Variants in ZMIZ2 observed in about 807,000 individuals in gnomAD.
The protein encoded by ZMIZ2 is zinc finger MIZ domain-containing protein 2.
A neutral mutation model predicts 93.9 loss-of-function variants in ZMIZ2; 26 were observed. The observed-to-expected ratio is 0.28, with a 90% CI of 0.20 to 0.38. The LOEUF (loss-of-function observed/expected upper bound fraction) is 0.38. Ranked by LOEUF, ZMIZ2 falls within the 10% of genes least tolerant of loss-of-function variation. The pLI is 1.00. For synonymous variants in ZMIZ2, 485 were observed against 516.4 expected, an observed-to-expected ratio of 0.94 and a Z score of 0.82; for missense variants, 1,023 against 1,235.0, an observed-to-expected ratio of 0.83 and a Z score of 2.57.
Position 44,748,940 on chromosome 7 carries a change from C to G in ZMIZ2, c.-114C>G, listed in dbSNP as rs1215876267. 1 of 147,726 alleles carries G rather than the reference C, an allele frequency of 6.8e-6. No homozygotes were observed. The highest frequency in any genetic ancestry group is 1.5e-5 in the Non-Finnish European group (1 of 66,042). The allele number at this position is 147,726 out of a possible 1,614,324, so 9.2% of individuals were successfully genotyped here. ...CGGAGGGCGGGCTGAGCGCATGGAG[C>G]GGCGCGGGCCGGGGGCCGCCACGGC... On this transcript the variant is annotated 5_prime_UTR_variant, in exon 1 of 19. Coordinates refer to ENST00000309315, the MANE Select transcript of ZMIZ2 (RefSeq NM_031449.4).
Position 44,765,925 on chromosome 7 carries a change from GGC to G in ZMIZ2, c.2243-238_2243-237del. The G allele has an allele frequency of 7.1e-7, 1 of 1,398,948 alleles. No individual in the cohort carries two copies. Among genetic ancestry groups the G allele is most frequent in the Non-Finnish European group, 9.2e-7 (1 of 1,081,952 alleles). The allele number at this position is 1,398,948 out of a possible 1,614,324, so 86.7% of individuals were successfully genotyped here. A position where few individuals can be genotyped will look rare whatever the true frequency, so the allele number is the denominator to read the frequency against. On this transcript the variant is annotated intron_variant, in intron 16 of 18. Transcript: ENST00000309315. The surrounding 1 kb of genome is among the most constrained non-coding windows in gnomAD (Gnocchi z 4.1). Reference sequence around the variant, plus strand: ...TCACACGCGTGGTGCGTTTGTTTGTGGCTGCTCCCATTCCTATAACCTCCGAG... The same window carrying G: ...TCACACGCGTGGTGCGTTTGTTTGTGTGCTCCCATTCCTATAACCTCCGAG...
At position 44,758,042 on chromosome 7, in the gene ZMIZ2, T is replaced by C. The variant is rs1790770284; in HGVS notation, c.747T>C (p.His249=). ...ATGCAGGGCAGCGTCTGCCCCAACA[T>C]GGGTATCCTGGGCCTCCCCAGGCCC... ...PLYAGQRLPQ[H]GYPGPPQAQP... The change falls in exon 6 of 19, where the codon CAT becomes CAC. Residue 249 remains histidine, a synonymous_variant. Coordinates refer to ENST00000309315, the MANE Select transcript of ZMIZ2 (RefSeq NM_031449.4). 1.9e-6 allele frequency: 3 copies of C among 1,608,598 alleles called. No homozygotes were observed. Among genetic ancestry groups the C allele is most frequent in the African/African-American group, 1.3e-5 (1 of 74,850 alleles).
rs766142134 is a variant in ZMIZ2 at position 44,766,575 on chromosome 7, C to T, written c.2567C>T (p.Thr856Met). 7.4e-6 allele frequency: 12 copies of T among 1,613,642 alleles called. No individual in the cohort carries two copies. The highest frequency in any genetic ancestry group is 5.0e-5 in the Admixed American group (3 of 60,008). Reference protein sequence around the residue: ...QSLGQASLGPTGELAFSPATG... With the variant: ...QSLGQASLGPMGELAFSPATG... ...TTGGGCCAAGCGAGCTTAGGACCTA[C>T]GGGTGAACTGGCCTTCAGTCCTGCC... Residue 856 changes from threonine (T) to methionine (M), a missense_variant, in exon 18 of 19, where the codon ACG becomes ATG. Thr to Met is a moderately conservative substitution (Grantham distance 81). Coordinates refer to ENST00000309315, the MANE Select transcript of ZMIZ2 (RefSeq NM_031449.4). The surrounding 1 kb of genome is among the most constrained non-coding windows in gnomAD (Gnocchi z 4.4).
chr7:44,767,008 C>A (rs1791779577), intron 18 of ZMIZ2, among the ~76,000 whole-genome samples: 1 of 152,140 alleles, frequency 6.6e-6, no homozygotes, highest in South Asian at 2.1e-4. Context: ...AATGGGAGTG[C>A]AAACTCAGTA....
chr7:44,762,034 GC>G, intron 11 of ZMIZ2, 129 bp downstream of exon 11: 1 of 1,242,742 alleles, frequency 8.0e-7, no homozygotes, highest in Non-Finnish European at 1.1e-6. Flanking sequence ...TGGGAGCGGA[GC>G]CAGGACATGG....
At chr7:44,748,620 G>T (rs1232161120), upstream of ZMIZ2, 5 of 152,340 alleles carry the variant, frequency 3.3e-5, no homozygotes, top group South Asian at 9.4e-4. Context: ...TGCCGACGCC[G>T]CGTTCAGAAA....
At position 44,761,626 on chromosome 7, in the gene ZMIZ2, C is replaced by T. The variant is rs1583642576; in HGVS notation, c.1385+33C>T. 4 of 1,613,376 alleles carry T rather than the reference C, an allele frequency of 2.5e-6. No homozygotes were observed. The highest frequency in any genetic ancestry group is 2.2e-5 in the South Asian group (2 of 91,030). On this transcript the variant is annotated intron_variant, in intron 10 of 18. Coordinates refer to ENST00000309315, the MANE Select transcript of ZMIZ2 (RefSeq NM_031449.4). The surrounding 1 kb of genome is among the most constrained non-coding windows in gnomAD (Gnocchi z 5.8). The stretch of plus-strand genomic sequence containing the variant: ...CCGCCTGGCCCCCACCTGACCCCCA[C>T]GAGGCTCTGTTCCTCCTCCCACACT...
In ZMIZ2 at chr7:44,761,825, T is replaced by A; in HGVS notation, c.1516T>A (p.Ser506Thr). 6.2e-7 allele frequency: 1 copy of A among 1,613,254 alleles called. No homozygotes were observed. Among genetic ancestry groups the A allele is most frequent in the South Asian group, 1.1e-5 (1 of 91,066 alleles). ...CATCGAGCGTGGCGACAACAAGACC[T>A]CGCACAAGCCACTCTACCTGAAGCA... ...LTIERGDNKT[S>T]HKPLYLKHVC... is the part of the protein sequence containing the mutation. The change falls in exon 11 of 19, where the codon TCG becomes ACG. Residue 506 changes from serine to threonine, a missense_variant. Physicochemically the swap from Ser to Thr is moderately conservative, Grantham distance 58. Around this residue, in one of 3 missense-constraint regions of ZMIZ2, gnomAD observed 656 missense variants for 777.1 expected, o/e 0.84. Transcript: ENST00000309315. The surrounding 1 kb of genome is among the most constrained non-coding windows in gnomAD (Gnocchi z 5.8).
intron 1 of ZMIZ2, among the ~76,000 whole-genome samples, chr7:44,750,451 T>G (rs1028909450): frequency 1.3e-5 from 2 of 152,224 alleles, no homozygotes; most frequent in Non-Finnish European, 2.9e-5. Flanking sequence ...CCATCATTTC[T>G]TCAATACCCT....
intron 11 of ZMIZ2, 31 bp from the exon 12 acceptor site, chr7:44,762,850 C>T: frequency 1.3e-6 from 2 of 1,576,192 alleles, no homozygotes; most frequent in South Asian, 1.2e-5. Flanking sequence ...GGCCCAAGTC[C>T]CCCTGATGAC....
In ZMIZ2 at chr7:44,765,018, C is replaced by A. The variant is rs1330486678; in HGVS notation, c.1997+9C>A. ...CTGATTTACATTCAGAAGTAAGCATCCTCTTCCTGTGATCCCTGCATCTGT... is the reference window on the plus strand; with the variant it reads ...CTGATTTACATTCAGAAGTAAGCATACTCTTCCTGTGATCCCTGCATCTGT... On this transcript the variant is annotated intron_variant, in intron 15 of 18. Transcript: ENST00000309315. The surrounding 1 kb of genome is among the most constrained non-coding windows in gnomAD (Gnocchi z 4.1). 1.9e-6 allele frequency: 3 copies of A among 1,614,150 alleles called. No homozygotes were observed.
Position 44,757,877 on chromosome 7 carries a change from G to A in ZMIZ2, c.582G>A (p.Gln194=), listed in dbSNP as rs1367220507. 2 of 1,594,118 alleles carry A rather than the reference G, an allele frequency of 1.3e-6. No homozygotes were observed. Among genetic ancestry groups the A allele is most frequent in the Non-Finnish European group, 1.7e-6 (2 of 1,170,292 alleles). The change falls in exon 6 of 19, where the codon CAG becomes CAA. Residue 194 remains glutamine, a synonymous_variant. Transcript: ENST00000309315. ...GGGCCGGACAGTCTTTTAACAGCCA[G>A]TTTCTGCAGCATGGAGGTCCCCGGG... is the stretch of plus-strand genomic sequence containing the variant. ...AMGAGQSFNS[Q]FLQHGGPRGP...
intron 1 of ZMIZ2, among the ~76,000 whole-genome samples, chr7:44,755,362 G>T (rs920136648): frequency 6.6e-6 from 1 of 152,162 alleles, no homozygotes; most frequent in Admixed American, 6.5e-5. Flanking sequence ...TCTCCTGGGG[G>T]TGTCATGGAT....
chr7:44,765,467 C>T lies in ZMIZ2; in HGVS notation c.2130C>T (p.His710=), dbSNP rs202054913. ...LKRCRTVSPA[H]VLMPSVMEMI... ...GCTGCCGCACCGTGAGCCCCGCCCA[C>T]GTGCTCATGCCCAGCGTGATGGAGA... The change falls in exon 16 of 19, where the codon CAC becomes CAT. Residue 710 remains histidine (H), a synonymous_variant. Transcript: ENST00000309315. This position sits in a 1 kb window ranked among gnomAD's most constrained non-coding sequence, Gnocchi z 4.1. 2.8e-3 allele frequency: 4,462 copies of T among 1,604,486 alleles called. 10 individuals are homozygous for T. Among genetic ancestry groups the T allele is most frequent in the Non-Finnish European group, 3.4e-3 (3,977 of 1,179,862 alleles).
Position 44,752,415 on chromosome 7 carries a change from T to A in ZMIZ2, c.-63+3424T>A, listed in dbSNP as rs59760241. On this transcript the variant is annotated intron_variant, in intron 1 of 18. Coordinates refer to ENST00000309315, the MANE Select transcript of ZMIZ2 (RefSeq NM_031449.4). ...ACTTCAGCCTCCCAAAGTGCTGGGA[T>A]TACAGGCGTGAGCCACCGTGCCCAG... Among the ~76,000 whole-genome samples the A allele has an allele frequency of 5.9e-5, 9 of 152,178 alleles. No homozygotes were observed. In the East Asian group the frequency reaches 1.7e-3, roughly 29 times the overall value.
At position 44,761,537 on chromosome 7, in the gene ZMIZ2, T is replaced by C. The variant is rs761229643; in HGVS notation, c.1329T>C (p.Ala443=). The part of the protein sequence containing the change: ...LEPFRLQHNL[A]VSNHVFQLRD... ...CCTTCCGCCTGCAGCACAACCTGGC[T>C]GTAAGCAACCATGTCTTCCAGCTGC... The change falls in exon 10 of 19, where the codon GCT becomes GCC. Residue 443 remains alanine (A), a synonymous_variant. Coordinates refer to ENST00000309315, the MANE Select transcript of ZMIZ2 (RefSeq NM_031449.4). The surrounding 1 kb of genome is among the most constrained non-coding windows in gnomAD (Gnocchi z 5.8). 16 of 1,613,920 alleles carry C rather than the reference T, an allele frequency of 9.9e-6. No homozygotes were observed. The Middle Eastern group carries it at 8.2e-4, about 83-fold the overall frequency.
In ZMIZ2 at chr7:44,768,457, A is replaced by G. The variant is rs1791919730; in HGVS notation, c.*834A>G. The G allele has an allele frequency of 6.6e-6, 1 of 152,246 alleles. No homozygotes were observed. The highest frequency in any genetic ancestry group is 2.1e-4 in the South Asian group (1 of 4,816). The allele number at this position is 152,246 out of a possible 1,614,324, so 9.4% of individuals were successfully genotyped here. A position where few individuals can be genotyped will look rare whatever the true frequency, so the allele number is the denominator to read the frequency against. On this transcript the variant is annotated 3_prime_UTR_variant, in exon 19 of 19. Transcript: ENST00000309315. ...GGCTCTCAGATTCAGCTCTGTGTAA[A>G]GATTCTCTAGCGGGCTGCGCTCCCA...
At chr7:44,757,289 C>T (rs1452034263) in intron 4 of ZMIZ2, 89 bp from the exon 5 acceptor site, 1 of 1,533,228 alleles carries the variant, frequency 6.5e-7, no homozygotes, top group Non-Finnish European at 8.7e-7. Context: ...GAATGGGCTC[C>T]CCCTGGGTGC....
In ZMIZ2 at chr7:44,765,287, G is replaced by T. The variant is rs776039562; in HGVS notation, c.1998-48G>T. 6.2e-7 allele frequency: 1 copy of T among 1,601,340 alleles called. No individual in the cohort carries two copies. The highest frequency in any genetic ancestry group is 8.5e-7 in the Non-Finnish European group (1 of 1,172,544). The stretch of plus-strand genomic sequence containing the variant: ...GGCTGGGAGGGGCAGTGGGTGCCGG[G>T]CCAGCAGCAGGCCAGGAGGTAACCA... On this transcript the variant is annotated intron_variant, in intron 15 of 18. Coordinates refer to ENST00000309315, the MANE Select transcript of ZMIZ2 (RefSeq NM_031449.4). This position sits in a 1 kb window ranked among gnomAD's most constrained non-coding sequence, Gnocchi z 4.1.
Sources: allele counts gnomAD v4.1 joint callset (sites outside exome capture counted in the v4.1 genomes callset), GRCh38; gene constraint gnomAD v4.1.1; regional missense constraint gnomAD v4.1.1; non-coding constraint Gnocchi (gnomAD v3.1); transcripts MANE v1.5; gene names NCBI Gene and HGNC (gene_info 2026-07-23, HGNC 2026-07-21).